KRT31: variants seen among roughly 807,000 people sequenced by gnomAD.
The protein encoded by KRT31 is keratin, type I cuticular Ha1.
In KRT31, 27 loss-of-function variants were observed where a neutral mutation model predicts 40.8. The observed-to-expected ratio is 0.66, with a 90% CI of 0.49 to 0.91. The LOEUF is 0.91. Among genes scored for constraint, KRT31 ranks in the 40% least tolerant of loss-of-function variants. The probability of loss-of-function intolerance (pLI) is 0.00; values close to 1 mark genes in which losing one functional copy is unlikely to be tolerated. For synonymous variants in KRT31, 231 were observed against 231.9 expected (o/e 1.00, Z 0.03); for missense variants, 510 against 544.1 (o/e 0.94, Z 0.62).
At chr17:41,395,401 C>T (rs1254244632) in intron 4 of KRT31, 31 bp from the exon 5 acceptor site, 2 of 1,613,990 alleles carry the variant, frequency 1.2e-6, no homozygotes, top group Non-Finnish European at 1.7e-6. Context: ...AAGGATCAGA[C>T]CCTGCCTCCG....
chr17:41,397,048 A>T (rs1232025772), intron 1 of KRT31, 53 bp from the exon 2 acceptor site: 2 of 1,583,874 alleles, frequency 1.3e-6, no homozygotes, highest in Non-Finnish European at 1.7e-6. Flanking sequence ...TGAAATCATC[A>T]ACTTTTTAAA....
chr17:41,393,967 T>C lies in KRT31; in HGVS notation c.*49A>G. ...TGTTGAACCAGAGCCAGGTCACAGC[T>C]CTGGAGTCCTGGGCCCTGCATCCTT... On this transcript the variant is annotated 3_prime_UTR_variant, in exon 7 of 7. Coordinates refer to ENST00000251645, the MANE Select transcript of KRT31 (RefSeq NM_002277.3). 4 of 1,588,140 alleles carry C rather than the reference T, an allele frequency of 2.5e-6. No homozygotes were observed. Among genetic ancestry groups the C allele is most frequent in the East Asian group, 2.3e-5 (1 of 44,366 alleles).
chr17:41,396,640 G>T lies in KRT31; in HGVS notation c.432-64C>A. The T allele has an allele frequency of 3.9e-6, 6 of 1,553,528 alleles. No homozygotes were observed. The Admixed American group carries it at 9.0e-5, about 23-fold the overall frequency. On this transcript the variant is annotated intron_variant, in intron 2 of 6. Transcript: ENST00000251645. ...TTCAAGACTCACAGGAATGATTTTTGATAACCTCATGTGCCTTATCTTTCC... is the reference window on the plus strand; with the variant it reads ...TTCAAGACTCACAGGAATGATTTTTTATAACCTCATGTGCCTTATCTTTCC...
chr17:41,393,806 A>C lies in KRT31; in HGVS notation c.*210T>G. The C allele has an allele frequency of 1.8e-6, 1 of 552,640 alleles. No individual in the cohort carries two copies. Among genetic ancestry groups the C allele is most frequent in the East Asian group, 3.3e-5 (1 of 30,356 alleles). 34.2% of individuals were successfully genotyped at this position (552,640 alleles called of 1,614,324 possible). A position where few individuals can be genotyped will look rare whatever the true frequency, so the allele number is the denominator to read the frequency against. ...GAGAGTTCTCTGGGTGAGCATAGGAAGGAACAGACCCCCAGGAAGGAAAGG... is the reference window on the plus strand; with the variant it reads ...GAGAGTTCTCTGGGTGAGCATAGGACGGAACAGACCCCCAGGAAGGAAAGG... On this transcript the variant is annotated 3_prime_UTR_variant, in exon 7 of 7. Coordinates refer to ENST00000251645, the MANE Select transcript of KRT31 (RefSeq NM_002277.3).
intron 2 of KRT31, 149 bp downstream of exon 2, chr17:41,396,764 T>A (rs2018234113): frequency 9.4e-6 from 9 of 953,660 alleles, no homozygotes; most frequent in Non-Finnish European, 1.4e-5. Context: ...TGAGTCCTCA[T>A]CCATTTTTGC....
At chr17:41,397,156 ACT>A (rs770156831) in intron 1 of KRT31, 34 bp downstream of exon 1, 80 of 1,605,686 alleles carry the variant, frequency 5.0e-5, no homozygotes, top group Admixed American at 2.0e-4. Context: ...ATCACAGCAA[ACT>A]CTCTTGCTTG....
Position 41,393,928 on chromosome 17 carries a change from T to C in KRT31, c.*88A>G, listed in dbSNP as rs2144353381. On this transcript the variant is annotated 3_prime_UTR_variant, in exon 7 of 7. Transcript: ENST00000251645. ...GCAACTCCAGCCATGCAAATGATGTTTTCAGGCCCCTTTTGTTGAACCAGA... is the reference window on the plus strand; with the variant it reads ...GCAACTCCAGCCATGCAAATGATGTCTTCAGGCCCCTTTTGTTGAACCAGA... 6.8e-7 allele frequency: 1 copy of C among 1,460,546 alleles called. No individual in the cohort carries two copies. The highest frequency in any genetic ancestry group is 2.3e-5 in the East Asian group (1 of 42,822). The allele number at this position is 1,460,546 out of a possible 1,614,324, so 90.5% of individuals were successfully genotyped here.
intron 5 of KRT31, 43 bp from the exon 6 acceptor site, chr17:41,395,111 A>AG: frequency 6.2e-7 from 1 of 1,612,348 alleles, no homozygotes; most frequent in Non-Finnish European, 8.5e-7. Flanking sequence ...CTGCTCCTTC[A>AG]AAGGGTTTCT....
Position 41,394,145 on chromosome 17 carries a change from C to A in KRT31, c.1122G>T (p.Thr374=), listed in dbSNP as rs755198411. 1 of 1,611,378 alleles carries A rather than the reference C, an allele frequency of 6.2e-7. No individual in the cohort carries two copies. The highest frequency in any genetic ancestry group is 1.3e-5 in the African/African-American group (1 of 74,768). Residue 374 remains threonine, a synonymous_variant, in exon 7 of 7, where the codon ACG becomes ACT. Transcript: ENST00000251645. ...DCNLPSNPCA[T]TNACSKPIGP... Reference sequence around the variant, plus strand: ...CGATGGGCTTGCTGCACGCGTTGGTCGTGGCACAGGGATTGCTGGGCAGAC... The same window carrying A: ...CGATGGGCTTGCTGCACGCGTTGGTAGTGGCACAGGGATTGCTGGGCAGAC...
chr17:41,395,335 T>G lies in KRT31; in HGVS notation c.786A>C (p.Ser262=). 1.2e-6 allele frequency: 2 copies of G among 1,613,962 alleles called. No individual in the cohort carries two copies. Among genetic ancestry groups the G allele is most frequent in the Non-Finnish European group, 1.7e-6 (2 of 1,180,016 alleles). ...CCGCCTGGTAGGACTGCAGCTGCTC[T>G]GAGCTGGATACCACCTGCTTGTTCA... ...EELNKQVVSS[S]EQLQSYQAEI... Residue 262 remains serine (S), a synonymous_variant, in exon 5 of 7, where the codon TCA becomes TCC. Transcript: ENST00000251645.
intron 1 of KRT31, 46 bp downstream of exon 1, chr17:41,397,146 A>T: frequency 6.2e-7 from 1 of 1,603,280 alleles, no homozygotes; most frequent in Non-Finnish European, 8.5e-7. Context: ...CACAGACAGA[A>T]TCACAGCAAA....
chr17:41,394,721 G>T, intron 6 of KRT31, 127 bp downstream of exon 6: 1 of 1,494,964 alleles, frequency 6.7e-7, no homozygotes. Flanking sequence ...TGTTGTCTGA[G>T]TTCTGTTTGA....
intron 3 of KRT31, 104 bp downstream of exon 3, chr17:41,396,316 C>T: frequency 9.3e-7 from 1 of 1,078,122 alleles, no homozygotes; most frequent in African/African-American, 1.6e-5. Flanking sequence ...AAAGGAAACC[C>T]TCAGTCTTGT....
chr17:41,393,740 T>C lies in KRT31; in HGVS notation c.*276A>G, dbSNP rs73983411. 1,090 of 439,626 alleles carry C rather than the reference T, an allele frequency of 2.5e-3. 5 individuals carry two copies. The highest frequency in any genetic ancestry group is 0.01 in the African/African-American group (503 of 48,614). The allele number at this position is 439,626 out of a possible 1,614,324, so 27.2% of individuals were successfully genotyped here. Reference sequence around the variant, plus strand: ...GGCATCTGCTTTGCCAAGGAAATGATATTTATTAGGAGGTTAAAAGGGAGG... The same window carrying C: ...GGCATCTGCTTTGCCAAGGAAATGACATTTATTAGGAGGTTAAAAGGGAGG... On this transcript the variant is annotated 3_prime_UTR_variant, in exon 7 of 7. Transcript: ENST00000251645.
chr17:41,394,712 G>T, intron 6 of KRT31, 136 bp downstream of exon 6: 1 of 1,455,730 alleles, frequency 6.9e-7, no homozygotes, highest in Non-Finnish European at 9.2e-7. Context: ...GCCATATTAT[G>T]TTGTCTGAGT....
chr17:41,396,319 A>G, intron 3 of KRT31, 101 bp downstream of exon 3: 1 of 1,087,394 alleles, frequency 9.2e-7, no homozygotes, highest in Non-Finnish European at 1.3e-6. Flanking sequence ...GGAAACCCTC[A>G]GTCTTGTACT....
At position 41,396,928 on chromosome 17, in the gene KRT31, T is replaced by A; in HGVS notation, c.416A>T (p.Asp139Val). 1 of 1,613,970 alleles carries A rather than the reference T, an allele frequency of 6.2e-7. No individual in the cohort carries two copies. The highest frequency in any genetic ancestry group is 1.3e-5 in the African/African-American group (1 of 75,052). Residue 139 changes from aspartate to valine, a missense_variant, in exon 2 of 7, where the codon GAT (aspartate) becomes GTT (valine). By Grantham distance (152) the Asp-to-Val change is radical. Coordinates refer to ENST00000251645, the MANE Select transcript of KRT31 (RefSeq NM_002277.3). ...VQIDNAKLAA[D>V]DFRTKYQTEL... Reference sequence around the variant, plus strand: ...AACAACTCACTTGGTTCTGAAATCATCCGCAGCCAGCTTGGCGTTGTCGAT... The same window carrying A: ...AACAACTCACTTGGTTCTGAAATCAACCGCAGCCAGCTTGGCGTTGTCGAT...
At position 41,394,164 on chromosome 17, in the gene KRT31, G is replaced by C. The variant is rs748391881; in HGVS notation, c.1103C>G (p.Pro368Arg). ...SLLESEDCNL[P>R]SNPCATTNAC... ...GTTGGTCGTGGCACAGGGATTGCTG[G>C]GCAGACTGGAGACAAAAGAATGATG... is the stretch of plus-strand genomic sequence containing the variant. Residue 368 changes from proline (P) to arginine (R), a missense_variant, in exon 7 of 7, where the codon CCC becomes CGC. Physicochemically the swap from Pro to Arg is moderately radical, Grantham distance 103. Coordinates refer to ENST00000251645, the MANE Select transcript of KRT31 (RefSeq NM_002277.3). 6.8e-6 allele frequency: 11 copies of C among 1,610,124 alleles called. No individual in the cohort carries two copies. In the African/African-American group the frequency reaches 1.5e-4, roughly 22 times the overall value.
chr17:41,395,425 C>T (rs558431041), intron 4 of KRT31, 37 bp downstream of exon 4: 4 of 1,613,924 alleles, frequency 2.5e-6, no homozygotes, highest in East Asian at 2.2e-5. Context: ...CCCTGGGGGG[C>T]CTTGGGTCCT....
Sources: gnomAD v4.1 joint callset for allele counts on GRCh38, gnomAD v4.1.1 for gene constraint, MANE v1.5 for transcripts, NCBI Gene and HGNC (gene_info 2026-07-23, HGNC 2026-07-21) for gene names.